INF2: variants seen among roughly 807,000 people sequenced by gnomAD.
INF2 encodes inverted formin-2.
Under a neutral mutation model 123.5 loss-of-function variants are expected in INF2, and 43 were observed. The ratio of observed to expected loss-of-function variants is 0.35; its 90% confidence interval spans 0.27 to 0.45. The LOEUF is 0.45. Ranked by LOEUF, INF2 falls within the 20% of genes least tolerant of loss-of-function variation. INF2 has a pLI of 1.00. For missense variants in INF2, 1,453 were observed against 1,682.7 expected (o/e 0.86, Z 2.39); for synonymous variants, 851 against 745.0 (o/e 1.14, Z -2.32).
chr14:104,706,876 G>A (rs1255221407), intron 6 of INF2, 34 bp from the exon 7 acceptor site: 6 of 1,597,804 alleles, frequency 3.8e-6, no homozygotes, highest in Non-Finnish European at 5.1e-6. Context: ...GGAGGGGCCG[G>A]CTGCTGACCT....
chr14:104,697,082 G>A (rs565075567), intron 1 of INF2, among the ~76,000 whole-genome samples: 9 of 152,344 alleles, frequency 5.9e-5, no homozygotes, highest in East Asian at 5.8e-4. Flanking sequence ...CCTGTTCCTC[G>A]TGGGGAGCCT....
At chr14:104,701,787 C>A (rs753597655) in intron 2 of INF2, 31 bp downstream of exon 2, 2 of 1,457,738 alleles carry the variant, frequency 1.4e-6, no homozygotes. Context: ...GCCGCCCAGG[C>A]GGACGCTGGG....
rs1161310635 is a variant in INF2 at position 104,720,404 on chromosome 14, G to C, written c.*1611G>C. On this transcript the variant is annotated 3_prime_UTR_variant, in exon 23 of 23. Transcript: ENST00000392634. ...TGTGGATGCTGCTGTGGACGTCTGC[G>C]TCGTCCTCGTGTGGATGCTGCTGTG... 6.9e-6 allele frequency: 1 copy of C among 144,514 alleles called. No individual in the cohort carries two copies. Among genetic ancestry groups the C allele is most frequent in the Non-Finnish European group, 1.5e-5 (1 of 67,292 alleles). 9.0% of individuals were successfully genotyped at this position (144,514 alleles called of 1,614,324 possible). A position where few individuals can be genotyped will look rare whatever the true frequency, so the allele number is the denominator to read the frequency against.
upstream of INF2, chr14:104,689,602 C>T (rs1888835696): frequency 1.2e-6 from 1 of 803,400 alleles, no homozygotes; most frequent in Non-Finnish European, 1.5e-6. Context: ...CCGCCCGCCC[C>T]GCCCGCCCCG....
At chr14:104,685,122 T>C (rs1279851992), upstream of INF2, among the ~76,000 whole-genome samples, 2 of 152,196 alleles carry the variant, frequency 1.3e-5, no homozygotes, top group African/African-American at 2.4e-5. Flanking sequence ...ACAGAATCTG[T>C]AAATAATGAG....
chr14:104,708,654 G>T lies in INF2; in HGVS notation c.1888-17G>T. On this transcript the variant is annotated splice_polypyrimidine_tract_variant and intron_variant, in intron 9 of 22. Coordinates refer to ENST00000392634, the MANE Select transcript of INF2 (RefSeq NM_022489.4). ...GCCACCCTCCGGTACCAGCCTGTTG[G>T]GTGGGGGGTTTTCTAGATCACTTTC... The T allele has an allele frequency of 6.2e-7, 1 of 1,612,882 alleles. No individual in the cohort carries two copies. The highest frequency in any genetic ancestry group is 8.5e-7 in the Non-Finnish European group (1 of 1,179,852).
At chr14:104,715,772 G>A (rs1201532408) in intron 22 of INF2, 4 of 484,110 alleles carry the variant, frequency 8.3e-6, no homozygotes, top group Middle Eastern at 3.1e-4. Flanking sequence ...GTCTGTTGGT[G>A]GAGGGCTATC....
rs180741956 is a variant in INF2, at chr14:104,715,780, A to G, written c.*1+440A>G. ...CTGCTCTGTCTGTTGGTGGAGGGCT[A>G]TCTTCACTCTAAGTGTGTCAATGGC... On this transcript the variant is annotated intron_variant, in intron 22 of 22. Transcript: ENST00000392634. The G allele has an allele frequency of 9.3e-4, 445 of 478,382 alleles. 1 individual carries two copies. The highest frequency in any genetic ancestry group is 7.9e-3 in the African/African-American group (402 of 51,184). 29.6% of individuals were successfully genotyped at this position (478,382 alleles called of 1,614,324 possible). A position where few individuals can be genotyped will look rare whatever the true frequency, so the allele number is the denominator to read the frequency against.
intron 18 of INF2, 75 bp downstream of exon 18, chr14:104,713,067 A>T: frequency 6.2e-7 from 1 of 1,608,194 alleles, no homozygotes; most frequent in Non-Finnish European, 8.5e-7. Flanking sequence ...CTCCGGCAGG[A>T]TGGGCAGAGG....
Position 104,701,339 on chromosome 14 carries a change from C to A in INF2, c.-9-18C>A, listed in dbSNP as rs1889480956. 1 of 1,559,526 alleles carries A rather than the reference C, an allele frequency of 6.4e-7. No homozygotes were observed. The highest frequency in any genetic ancestry group is 2.4e-5 in the East Asian group (1 of 41,766). On this transcript the variant is annotated intron_variant, in intron 1 of 22. Coordinates refer to ENST00000392634, the MANE Select transcript of INF2 (RefSeq NM_022489.4). ...CCCATCCCCTCCCCGCTGACGGCTC[C>A]CTGCCCTCTGCCTGCAGCTCGGCAA...
chr14:104,701,906 C>T, intron 2 of INF2, 150 bp downstream of exon 2: 1 of 866,888 alleles, frequency 1.2e-6, no homozygotes. Context: ...GGACTGGCTT[C>T]CTGGGCTCAG....
At chr14:104,697,248 T>A (rs1889234440) in intron 1 of INF2, among the ~76,000 whole-genome samples, 1 of 152,182 alleles carries the variant, frequency 6.6e-6, no homozygotes, top group African/African-American at 2.4e-5. Context: ...TGGAAGGCCC[T>A]CCTCGCCTGG....
In INF2 at chr14:104,707,008, C is replaced by T. The variant is rs774989778; in HGVS notation, c.942C>T (p.Ala314=). ...TLRSSQLLWE[A]LESLVNRAVL... ...GCTCCAGCCAGCTGCTCTGGGAGGC[C>T]CTGGAGAGCCTCGTGAACCGGGCCG... The change falls in exon 7 of 23, where the codon GCC becomes GCT. Residue 314 remains alanine, a synonymous_variant. Transcript: ENST00000392634. The T allele has an allele frequency of 5.6e-6, 9 of 1,593,700 alleles. No individual in the cohort carries two copies. Among genetic ancestry groups the T allele is most frequent in the Non-Finnish European group, 7.6e-6 (9 of 1,176,934 alleles).
At chr14:104,698,374 G>A (rs1292996869) in intron 1 of INF2, among the ~76,000 whole-genome samples, 5 of 152,384 alleles carry the variant, frequency 3.3e-5, no homozygotes, top group African/African-American at 1.2e-4. Flanking sequence ...TGCAGAGCTC[G>A]CTGTAGCAGG....
Position 104,707,013 on chromosome 14 carries a change from A to G in INF2, c.947A>G (p.Glu316Gly). 4 of 1,592,930 alleles carry G rather than the reference A, an allele frequency of 2.5e-6. No individual in the cohort carries two copies. Among genetic ancestry groups the G allele is most frequent in the Non-Finnish European group, 3.4e-6 (4 of 1,176,642 alleles). ...AGCCAGCTGCTCTGGGAGGCCCTGG[A>G]GAGCCTCGTGAACCGGGCCGTGCTC... Reference protein sequence around the residue: ...RSSQLLWEALESLVNRAVLLA... With the variant: ...RSSQLLWEALGSLVNRAVLLA... The change falls in exon 7 of 23, where the codon GAG (glutamate) becomes GGG (glycine). Residue 316 changes from glutamate (E) to glycine (G), a missense_variant. Transcript: ENST00000392634.
rs761238349 is a variant in INF2 at position 104,701,483 on chromosome 14, C to T, written c.118C>T (p.Arg40Trp). 1 of 1,602,590 alleles carries T rather than the reference C, an allele frequency of 6.2e-7. No homozygotes were observed. The highest frequency in any genetic ancestry group is 2.3e-5 in the East Asian group (1 of 44,330). Residue 40 changes from arginine to tryptophan, a missense_variant, in exon 2 of 23, where the codon CGG becomes TGG. Around this residue, in one of 8 missense-constraint regions of INF2, gnomAD observed 6 missense variants for 25.1 expected, o/e 0.24. Coordinates refer to ENST00000392634, the MANE Select transcript of INF2 (RefSeq NM_022489.4). ...GAGCGCGGACCCCGAGCTGTGCATC[C>T]GGCTGCTCCAGATGCCCTCTGTGGT... Reference protein sequence around the residue: ...LESADPELCIRLLQMPSVVNY... With the variant: ...LESADPELCIWLLQMPSVVNY...
At chr14:104,703,836 G>A in intron 4 of INF2, 80 bp from the exon 5 acceptor site, 1 of 1,605,582 alleles carries the variant, frequency 6.2e-7, no homozygotes. Flanking sequence ...GGCAGGGTCA[G>A]GTGCTCTGGG....
At chr14:104,710,245 G>T in intron 13 of INF2, 57 bp downstream of exon 13, 1 of 1,336,570 alleles carries the variant, frequency 7.5e-7, no homozygotes, top group Non-Finnish European at 1.0e-6. Context: ...GAACCGGGGC[G>T]GGAGGGCTGC....
intron 13 of INF2, 129 bp from the exon 14 acceptor site, chr14:104,710,808 G>T: frequency 1.3e-6 from 1 of 761,716 alleles, no homozygotes; most frequent in Middle Eastern, 3.2e-4. Context: ...TGATCCTTCC[G>T]GTGCTGGGCT....
Sources: gnomAD v4.1 joint callset for allele counts (sites outside exome capture counted in the v4.1 genomes callset) on GRCh38, gnomAD v4.1.1 for gene constraint, gnomAD v4.1.1 regional missense constraint, MANE v1.5 for transcripts, NCBI Gene and HGNC (gene_info 2026-07-23, HGNC 2026-07-21) for gene names.